The following MYRIP variants were observed in gnomAD, a reference collection of about 807,000 sequenced individuals.
MYRIP encodes myosin VIIA and Rab interacting protein.
Under a neutral mutation model 98.0 loss-of-function variants are expected in MYRIP, and 49 were observed. The ratio of observed to expected loss-of-function variants is 0.50; its 90% CI spans 0.40 to 0.63. The LOEUF (loss-of-function observed/expected upper bound fraction) is 0.63, where lower values mean the gene tolerates loss of function less well. MYRIP is among the 30% of genes least tolerant of loss of function. The probability of loss-of-function intolerance (pLI) is 0.00; values close to 1 mark genes in which losing one functional copy is unlikely to be tolerated. For synonymous variants in MYRIP, 404 were observed against 409.5 expected (o/e 0.99, Z 0.16); for missense variants, 1,004 against 1,058.2 (o/e 0.95, Z 0.71).
At chr3:40,069,908 T>C (rs79351839) in intron 3 of MYRIP, among the ~76,000 whole-genome samples, 165 of 152,320 alleles carry the variant, frequency 1.1e-3, no homozygotes, top group African/African-American at 3.9e-3. Context: ...ACCCCTGTCT[T>C]ACCAAATACA....
rs141104006 is a variant in MYRIP, at chr3:40,137,261, C to T, written c.333-13787C>T. On this transcript the variant is annotated intron_variant, in intron 3 of 16. Transcript: ENST00000302541. ...TCAGAGAATACTATTAACACCTCTA[C>T]GTGAATAAACTAGAAAATCTAGAAG... is the stretch of plus-strand genomic sequence containing the variant. Among the ~76,000 whole-genome samples, 1,018 of 152,280 alleles carry T rather than the reference C, an allele frequency of 6.7e-3. 12 individuals carry two copies. The highest frequency in any genetic ancestry group is 0.024 in the African/African-American group (977 of 41,552).
chr3:39,863,207 G>A (rs920489543), intron 1 of MYRIP, among the ~76,000 whole-genome samples: 9 of 151,954 alleles, frequency 5.9e-5, no homozygotes, highest in Non-Finnish European at 1.3e-4. Context: ...CAAAAAGCTA[G>A]AAGTATCTCA....
intron 11 of MYRIP, among the ~76,000 whole-genome samples, chr3:40,217,583 T>G (rs532501093): frequency 6.6e-6 from 1 of 152,264 alleles, no homozygotes; most frequent in East Asian, 1.9e-4. Flanking sequence ...TAAACAACCA[T>G]TTCTGATAAA....
rs1951670792 is a variant in MYRIP at position 40,203,945 on chromosome 3, ATATAT to A, written c.1666-5903_1666-5899del. On this transcript the variant is annotated intron_variant, in intron 10 of 16. Coordinates refer to ENST00000302541, the MANE Select transcript of MYRIP (RefSeq NM_015460.4). ...ATAAATATAATATAATATATATTAT[ATATAT>A]TATATATTATATACATTATATATAT... is the stretch of plus-strand genomic sequence containing the variant. 1.5e-3 allele frequency among the ~76,000 whole-genome samples: 2 copies of A among 1,372 alleles called. 1 individual carries two copies. Among genetic ancestry groups the A allele is most frequent in the African/African-American group, 6.3e-3 (2 of 316 alleles). The allele number at this position is 1,372 out of a possible 152,430, so 0.9% of individuals were successfully genotyped here. A position where few individuals can be genotyped will look rare whatever the true frequency, so the allele number is the denominator to read the frequency against.
chr3:39,999,290 G>T (rs1946452742), intron 2 of MYRIP, among the ~76,000 whole-genome samples: 1 of 152,126 alleles, frequency 6.6e-6, no homozygotes, highest in African/African-American at 2.4e-5. Flanking sequence ...CTGACAAAGG[G>T]CTAATATCCA....
At chr3:40,238,728 G>C (rs1952899158) in intron 12 of MYRIP, 1 of 151,814 alleles carries the variant, frequency 6.6e-6, no homozygotes, top group Non-Finnish European at 1.5e-5. Context: ...CTTTCCTTGA[G>C]GGACACAATA....
At chr3:40,077,432 C>A (rs1435460451) in intron 3 of MYRIP, among the ~76,000 whole-genome samples, 2 of 152,026 alleles carry the variant, frequency 1.3e-5, no homozygotes, top group African/African-American at 4.8e-5. Flanking sequence ...AGGTTCTCCA[C>A]ATCCCCACCA....
At chr3:39,875,299 A>T (rs1479250769) in intron 1 of MYRIP, among the ~76,000 whole-genome samples, 1 of 151,988 alleles carries the variant, frequency 6.6e-6, no homozygotes, top group Non-Finnish European at 1.5e-5. Flanking sequence ...CAGCTCCTGG[A>T]TTCCTTAATT....
chr3:40,153,496 G>A (rs767213255), intron 4 of MYRIP, among the ~76,000 whole-genome samples: 8 of 151,828 alleles, frequency 5.3e-5, no homozygotes, highest in Non-Finnish European at 8.8e-5. Flanking sequence ...CGCCAAGGGC[G>A]CTTTGAAAAA....
In MYRIP at chr3:40,096,032, A is replaced by G. The variant is rs368063366; in HGVS notation, c.332+51761A>G. ...CTCACACTCCATACCATAACACTCC[A>G]CCATCCCCCCTCCCCCAGACTCCAG... On this transcript the variant is annotated intron_variant, in intron 3 of 16. Coordinates refer to ENST00000302541, the MANE Select transcript of MYRIP (RefSeq NM_015460.4). Among the ~76,000 whole-genome samples, 9 of 148,780 alleles carry G rather than the reference A, an allele frequency of 6.0e-5. No homozygotes were observed. The South Asian group carries it at 1.9e-3, about 32-fold the overall frequency.
intron 2 of MYRIP, among the ~76,000 whole-genome samples, chr3:39,935,573 A>G (rs760299584): frequency 1.3e-5 from 2 of 152,150 alleles, no homozygotes; most frequent in Non-Finnish European, 2.9e-5. Context: ...TCTTCTCATC[A>G]TTACTTTGGA....
rs145141473 is a variant in MYRIP at position 39,990,931 on chromosome 3, C to A, written c.111-53119C>A. ...AAACCAAACACTGCATGTTCTCACT[C>A]ATAAGTGGGAGTTGAACGAAGAACA... On this transcript the variant is annotated intron_variant, in intron 2 of 16. Coordinates refer to ENST00000302541, the MANE Select transcript of MYRIP (RefSeq NM_015460.4). 5.8e-3 allele frequency among the ~76,000 whole-genome samples: 880 copies of A among 152,226 alleles called. 9 individuals are homozygous for A. The highest frequency in any genetic ancestry group is 0.02 in the African/African-American group (814 of 41,532).
At chr3:40,171,923 A>G (rs1015093281) in intron 8 of MYRIP, among the ~76,000 whole-genome samples, 3 of 152,240 alleles carry the variant, frequency 2.0e-5, no homozygotes, top group African/African-American at 7.2e-5. Flanking sequence ...CATGGTGGAA[A>G]GTGAAGGAGG....
intron 11 of MYRIP, among the ~76,000 whole-genome samples, chr3:40,228,616 G>A (rs1444791349): frequency 6.6e-6 from 1 of 152,180 alleles, no homozygotes; most frequent in Non-Finnish European, 1.5e-5. Context: ...GCTTCTGCCT[G>A]TTTTGCCTTT....
rs1477320865 is a variant in MYRIP, at chr3:40,044,189, T to C, written c.250T>C (p.Cys84Arg). The change falls in exon 3 of 17, where the codon TGC becomes CGC. Residue 84 changes from cysteine (C) to arginine (R), a missense_variant. This residue lies in a region of MYRIP where 880 missense variants were observed against 907.7 expected (regional missense o/e 0.97). Coordinates refer to ENST00000302541, the MANE Select transcript of MYRIP (RefSeq NM_015460.4). ...CAACACCAAGCGCCAGTGTGGAGAT[T>C]GCAAATTCAATGTCTGCAAGAGCTG... Reference protein sequence around the residue: ...LVNTKRQCGDCKFNVCKSCCS... With the variant: ...LVNTKRQCGDRKFNVCKSCCS... 1.2e-6 allele frequency: 2 copies of C among 1,614,030 alleles called. No individual in the cohort carries two copies. Among genetic ancestry groups the C allele is most frequent in the African/African-American group, 2.7e-5 (2 of 74,928 alleles).
chr3:39,868,113 C>T (rs1407254773), intron 1 of MYRIP, among the ~76,000 whole-genome samples: 2 of 152,166 alleles, frequency 1.3e-5, no homozygotes, highest in Non-Finnish European at 2.9e-5. Context: ...GTACCATATA[C>T]TTTTGGGCCC....
At chr3:40,224,731 G>C (rs191746977) in intron 11 of MYRIP, among the ~76,000 whole-genome samples, 1 of 152,284 alleles carries the variant, frequency 6.6e-6, no homozygotes, top group African/African-American at 2.4e-5. Flanking sequence ...TGGCCATCAA[G>C]ACCTGGATGA....
intron 2 of MYRIP, among the ~76,000 whole-genome samples, chr3:40,043,012 T>G (rs930562358): frequency 1.3e-5 from 2 of 152,344 alleles, no homozygotes; most frequent in South Asian, 2.1e-4. Context: ...GCTGCTATGC[T>G]CAGCATCATG....
intron 2 of MYRIP, among the ~76,000 whole-genome samples, chr3:39,956,713 C>A (rs1243085527): frequency 6.7e-6 from 1 of 149,278 alleles, no homozygotes; most frequent in Non-Finnish European, 1.5e-5. Flanking sequence ...ACACAAAAAA[C>A]CCTTCAAAAA....
Sources: gnomAD v4.1 joint callset for allele counts (sites outside exome capture counted in the v4.1 genomes callset) on GRCh38, gnomAD v4.1.1 for gene constraint, gnomAD v4.1.1 regional missense constraint, MANE v1.5 for transcripts, NCBI Gene and HGNC (gene_info 2026-07-23, HGNC 2026-07-21) for gene names.